CNTNAP5: variants seen among roughly 807,000 people sequenced by gnomAD.
CNTNAP5 encodes contactin associated protein family member 5.
A neutral mutation model predicts 150.2 loss-of-function variants in CNTNAP5; 72 were observed. That is an observed-to-expected ratio of 0.48 (90% confidence interval 0.40 to 0.58). CNTNAP5 has a LOEUF of 0.58. CNTNAP5 is among the 20% of genes least tolerant of loss of function. The pLI is 0.00. For missense variants in CNTNAP5, 1,636 were observed against 1,626.2 expected, an observed-to-expected ratio of 1.01 and a Z score of -0.10; for synonymous variants, 672 against 619.8, an observed-to-expected ratio of 1.08 and a Z score of -1.25.
At chr2:124,855,536 T>C (rs1208257057) in intron 19 of CNTNAP5, among the ~76,000 whole-genome samples, 1 of 152,110 alleles carries the variant, frequency 6.6e-6, no homozygotes, top group Non-Finnish European at 1.5e-5. Context: ...TTCATATTAA[T>C]AAAAGTGTGG....
At chr2:124,234,310 A>T (rs4848924) in intron 2 of CNTNAP5, among the ~76,000 whole-genome samples, 1 of 152,022 alleles carries the variant, frequency 6.6e-6, no homozygotes, top group Non-Finnish European at 1.5e-5. Context: ...TCATTTTATA[A>T]GAGAAATTTT....
chr2:124,601,036 A>G (rs1451017033), intron 11 of CNTNAP5, among the ~76,000 whole-genome samples: 1 of 152,166 alleles, frequency 6.6e-6, no homozygotes, highest in Admixed American at 6.5e-5. Context: ...TCTGTGTAAG[A>G]AGTAGTTAGA....
chr2:124,419,908 C>CTTTCTT (rs1286414792), intron 4 of CNTNAP5, among the ~76,000 whole-genome samples: 3 of 113,986 alleles, frequency 2.6e-5, no homozygotes, highest in Non-Finnish European at 5.3e-5. Context: ...TTCTTTCTTT[C>CTTTCTT]TTTCTTTCTT....
chr2:124,408,037 C>G (rs964981386), intron 3 of CNTNAP5, among the ~76,000 whole-genome samples: 2 of 151,812 alleles, frequency 1.3e-5, no homozygotes, highest in Non-Finnish European at 2.9e-5. Context: ...CACCGTACGC[C>G]AGCCGAAGCA....
Position 124,609,790 on chromosome 2 carries a change from T to C in CNTNAP5, c.1757-11T>C, listed in dbSNP as rs1558703291. On this transcript the variant is annotated splice_polypyrimidine_tract_variant and intron_variant, in intron 11 of 23. Transcript: ENST00000682447. ...AGCAAAGTTTTATCTCTGCTGCCTTTGTCTTTCCAGCCATCTACGAGCAAT... is the reference window on the plus strand; with the variant it reads ...AGCAAAGTTTTATCTCTGCTGCCTTCGTCTTTCCAGCCATCTACGAGCAAT... 6.2e-7 allele frequency: 1 copy of C among 1,612,892 alleles called. No individual in the cohort carries two copies. The highest frequency in any genetic ancestry group is 1.7e-5 in the Admixed American group (1 of 59,950).
intron 12 of CNTNAP5, among the ~76,000 whole-genome samples, chr2:124,640,915 T>C (rs1045760747): frequency 7.9e-5 from 12 of 151,560 alleles, no homozygotes; most frequent in East Asian, 3.9e-4. Flanking sequence ...TTACCTGAGG[T>C]TGGAGTTCAA....
chr2:124,124,261 G>A (rs1160354168), intron 1 of CNTNAP5, among the ~76,000 whole-genome samples: 4 of 152,156 alleles, frequency 2.6e-5, no homozygotes, highest in Non-Finnish European at 2.9e-5. Flanking sequence ...ACTATGTGAC[G>A]CATGTGCAAG....
chr2:124,745,854 T>C (rs1481892882), intron 13 of CNTNAP5, among the ~76,000 whole-genome samples: 2 of 152,166 alleles, frequency 1.3e-5, no homozygotes, highest in African/African-American at 4.8e-5. Context: ...CTCATGACCT[T>C]CAGATTAATG....
At chr2:124,035,751 C>T (rs550366639) in intron 1 of CNTNAP5, among the ~76,000 whole-genome samples, 22 of 152,106 alleles carry the variant, frequency 1.4e-4, no homozygotes, top group African/African-American at 5.3e-4. Flanking sequence ...TTAGCTTAAC[C>T]CATAGCAGAG....
intron 22 of CNTNAP5, among the ~76,000 whole-genome samples, chr2:124,910,368 GT>G (rs1384595871): frequency 6.6e-6 from 1 of 152,130 alleles, no homozygotes; most frequent in East Asian, 1.9e-4. Flanking sequence ...GAGCACTTAC[GT>G]TGTATCAGCC....
At chr2:124,772,184 C>G (rs1681215589) in intron 16 of CNTNAP5, among the ~76,000 whole-genome samples, 1 of 152,106 alleles carries the variant, frequency 6.6e-6, no homozygotes, top group Admixed American at 6.5e-5. Flanking sequence ...TGACTGGGTG[C>G]CATCTGGCTT....
rs577023084 is a variant in CNTNAP5 at position 124,236,388 on chromosome 2, G to A, written c.188-5812G>A. ...ACCTGCCCAGGAGCAGAAAGATTACGCCCAGGGTTCTTGCCAACAGCTTTC... is the reference window on the plus strand; with the variant it reads ...ACCTGCCCAGGAGCAGAAAGATTACACCCAGGGTTCTTGCCAACAGCTTTC... On this transcript the variant is annotated intron_variant, in intron 2 of 23. Coordinates refer to ENST00000682447, the MANE Select transcript of CNTNAP5 (RefSeq NM_001367498.1). Among the ~76,000 whole-genome samples, 89 of 152,282 alleles carry A rather than the reference G, an allele frequency of 5.8e-4. 1 individual carries two copies. The highest frequency in any genetic ancestry group is 1.9e-3 in the African/African-American group (81 of 41,572).
At chr2:124,585,740 C>G (rs913677051) in intron 11 of CNTNAP5, among the ~76,000 whole-genome samples, 13 of 145,074 alleles carry the variant, frequency 9.0e-5, no homozygotes, top group African/African-American at 3.1e-4. Flanking sequence ...GTTTCTGAGC[C>G]CCAACCTTAC....
At chr2:124,115,477 T>C (rs1298672010) in intron 1 of CNTNAP5, among the ~76,000 whole-genome samples, 1 of 152,022 alleles carries the variant, frequency 6.6e-6, no homozygotes, top group African/African-American at 2.4e-5. Flanking sequence ...GAGTAATACG[T>C]TTTGAAAACA....
intron 1 of CNTNAP5, among the ~76,000 whole-genome samples, chr2:124,172,171 A>T (rs1421933735): frequency 6.6e-6 from 1 of 152,204 alleles, no homozygotes; most frequent in Non-Finnish European, 1.5e-5. Context: ...GAGTACCAAG[A>T]AATATATCCA....
At chr2:124,777,476 G>C (rs752602515) in intron 17 of CNTNAP5, among the ~76,000 whole-genome samples, 3 of 151,922 alleles carry the variant, frequency 2.0e-5, no homozygotes, top group Non-Finnish European at 4.4e-5. Context: ...CCTGCTTCCC[G>C]GGTACAAGCA....
At chr2:124,228,624 A>G (rs2104749564) in intron 2 of CNTNAP5, among the ~76,000 whole-genome samples, 1 of 152,186 alleles carries the variant, frequency 6.6e-6, no homozygotes, top group East Asian at 1.9e-4. Context: ...TAATTGTTAA[A>G]TGGATTTGCT....
intron 13 of CNTNAP5, among the ~76,000 whole-genome samples, chr2:124,710,269 C>A (rs1679779557): frequency 2.0e-5 from 3 of 152,084 alleles, no homozygotes; most frequent in Admixed American, 1.3e-4. Context: ...TAAATATTGA[C>A]AAATTAATTC....
intron 3 of CNTNAP5, among the ~76,000 whole-genome samples, chr2:124,340,639 A>G (rs1689586580): frequency 6.6e-6 from 1 of 151,760 alleles, no homozygotes. Context: ...AGAAGAACAG[A>G]TAAAGTCCAG....
Sources: allele counts gnomAD v4.1 joint callset (sites outside exome capture counted in the v4.1 genomes callset), GRCh38; gene constraint gnomAD v4.1.1; transcripts MANE v1.5; gene names NCBI Gene and HGNC (gene_info 2026-07-23, HGNC 2026-07-21).